The following MEIG1 variants were observed in gnomAD, a reference collection of about 807,000 sequenced individuals.
MEIG1 encodes the protein meiosis/spermiogenesis associated 1, also known as meiosis expressed gene 1 protein homolog.
In MEIG1, 12 loss-of-function variants were observed where a neutral mutation model predicts 11.3. That is an observed-to-expected ratio of 1.07 (90% CI 0.68 to 1.73). The LOEUF (loss-of-function observed/expected upper bound fraction) is 1.73, where lower values mean the gene tolerates loss of function less well. Ranked by LOEUF, MEIG1 falls within the 40% of genes most tolerant of loss-of-function variation. The pLI, the probability that MEIG1 is intolerant of heterozygous loss-of-function variation, is 0.00. For synonymous variants in MEIG1, 41 were observed against 33.2 expected, an observed-to-expected ratio of 1.24 and a Z score of -0.81; for missense variants, 119 against 104.9, an observed-to-expected ratio of 1.13 and a Z score of -0.59.
chr10:14,984,940 G>C (rs760632121), intron 1 of MEIG1, among the ~76,000 whole-genome samples: 3 of 151,976 alleles, frequency 2.0e-5, no homozygotes, highest in African/African-American at 4.8e-5. Context: ...GTCACAGGGC[G>C]TGTAGACCCT....
chr10:14,956,422 T>TA (rs35944502), upstream of MEIG1, among the ~76,000 whole-genome samples: 97,837 of 147,402 alleles, frequency 0.66, 32,286 homozygotes, highest in Non-Finnish European at 0.69. Flanking sequence ...CTACTAAAAA[T>TA]AAAAAAAAAA....
At chr10:14,964,035 T>A (rs1198223355) in intron 1 of MEIG1, among the ~76,000 whole-genome samples, 1 of 150,402 alleles carries the variant, frequency 6.6e-6, no homozygotes, top group Non-Finnish European at 1.5e-5. Context: ...GAAGTGGAGC[T>A]TGCAGTGAGC....
chr10:14,987,027 G>A, intron 2 of MEIG1: 1 of 620,096 alleles, frequency 1.6e-6, no homozygotes, highest in Non-Finnish European at 2.8e-6. Context: ...GAGGATTCAT[G>A]ATGACTGGGT....
At position 14,972,618 on chromosome 10, in the gene MEIG1, A is replaced by G; in HGVS notation, c.244A>G (p.Lys82Glu). The G allele has an allele frequency of 6.2e-7, 1 of 1,611,816 alleles. No individual in the cohort carries two copies. Among genetic ancestry groups the G allele is most frequent in the South Asian group, 1.1e-5 (1 of 90,372 alleles). The change falls in exon 3 of 3, where the codon AAA becomes GAA. Residue 82 changes from lysine (K) to glutamate (E), a missense_variant. By Grantham distance (56) the Lys-to-Glu change is moderately conservative. Transcript: ENST00000407572. ...GGAATGTGATGACAAAGAAGTCCAC[A>G]AAGTGAAAATTTATGCTTACTAGCC... ...QRECDDKEVH[K>E]VKIYAY
intron 2 of MEIG1, chr10:14,987,331 C>A: frequency 1.2e-6 from 1 of 806,640 alleles, no homozygotes; most frequent in Non-Finnish European, 2.2e-6. Flanking sequence ...TGACCAGATA[C>A]AAGGACAGGG....
At chr10:14,958,625 G>A (rs889788083), upstream of MEIG1, among the ~76,000 whole-genome samples, 2 of 152,192 alleles carry the variant, frequency 1.3e-5, no homozygotes, top group East Asian at 3.9e-4. Flanking sequence ...GGCCGGGCGC[G>A]GTGGCTCACG....
chr10:14,978,658 G>A (rs547390546), intron 1 of MEIG1, among the ~76,000 whole-genome samples: 6 of 151,900 alleles, frequency 3.9e-5, no homozygotes, highest in Admixed American at 2.6e-4. Flanking sequence ...TCTCCTAGAC[G>A]GATGTTACAC....
At chr10:14,976,283 AT>A (rs1843209323), downstream of MEIG1, among the ~76,000 whole-genome samples, 1 of 151,266 alleles carries the variant, frequency 6.6e-6, no homozygotes, top group South Asian at 2.1e-4. Flanking sequence ...CATAATATTA[AT>A]TACATATTAT....
chr10:14,980,612 G>A (rs1279905643), intron 1 of MEIG1, among the ~76,000 whole-genome samples: 1 of 152,118 alleles, frequency 6.6e-6, no homozygotes, highest in Non-Finnish European at 1.5e-5. Context: ...TTCTCTTGGC[G>A]CACCCGACTG....
chr10:14,980,753 A>G (rs12263662), intron 1 of MEIG1, among the ~76,000 whole-genome samples: 8,029 of 152,108 alleles, frequency 0.053, 696 homozygotes, highest in African/African-American at 0.18. Flanking sequence ...ACCTTTGGGG[A>G]AGACCGGTCC....
chr10:14,969,123 T>G (rs10906786), intron 2 of MEIG1, among the ~76,000 whole-genome samples: 3 of 151,958 alleles, frequency 2.0e-5, no homozygotes, highest in Non-Finnish European at 4.4e-5. Flanking sequence ...TGCCTTAAGA[T>G]TGGGATGCCC....
At chr10:14,965,103 A>T (rs1176203608) in intron 1 of MEIG1, among the ~76,000 whole-genome samples, 1 of 151,592 alleles carries the variant, frequency 6.6e-6, no homozygotes, top group African/African-American at 2.4e-5. Context: ...TATACCTTTA[A>T]TGTATTTCTT....
At chr10:14,960,390 G>C (rs908072767) in intron 1 of MEIG1, among the ~76,000 whole-genome samples, 6 of 152,142 alleles carry the variant, frequency 3.9e-5, no homozygotes, top group African/African-American at 1.4e-4. Context: ...TAGATTGTCA[G>C]GGAGTTGAGA....
chr10:14,967,503 TA>T (rs368507676), intron 2 of MEIG1, among the ~76,000 whole-genome samples: 100 of 52,608 alleles, frequency 1.9e-3, no homozygotes, highest in South Asian at 4.9e-3. Context: ...GCTACTAAGA[TA>T]TTTTTTTTTT....
At position 14,972,812 on chromosome 10, in the gene MEIG1, A is replaced by G; in HGVS notation, c.*171A>G. 1 of 582,494 alleles carries G rather than the reference A, an allele frequency of 1.7e-6. No individual in the cohort carries two copies. Among genetic ancestry groups the G allele is most frequent in the East Asian group, 3.3e-5 (1 of 30,594 alleles). The allele number at this position is 582,494 out of a possible 1,614,324, so 36.1% of individuals were successfully genotyped here. On this transcript the variant is annotated 3_prime_UTR_variant, in exon 3 of 3. Coordinates refer to ENST00000407572, the MANE Select transcript of MEIG1 (RefSeq NM_001080836.3). ...TCTGCTAATCACCTTGTCCTGTTCT[A>G]AGAACTGGCTGCAGATGCATTAAAG...
At chr10:14,960,965 G>A (rs1296726716) in intron 1 of MEIG1, among the ~76,000 whole-genome samples, 1 of 152,074 alleles carries the variant, frequency 6.6e-6, no homozygotes, top group Non-Finnish European at 1.5e-5. Flanking sequence ...GGAGGCGGAG[G>A]TTGTGGTGAG....
upstream of MEIG1, among the ~76,000 whole-genome samples, chr10:14,958,390 T>A (rs890029757): frequency 6.6e-6 from 1 of 152,250 alleles, no homozygotes; most frequent in Non-Finnish European, 1.5e-5. Context: ...ATTTGTGATA[T>A]GTCTTGTGTT....
upstream of MEIG1, among the ~76,000 whole-genome samples, chr10:14,959,093 T>C (rs1002638549): frequency 1.3e-5 from 2 of 152,188 alleles, no homozygotes; most frequent in Non-Finnish European, 2.9e-5. Flanking sequence ...AATGAATAGA[T>C]AGGAGATATC....
intron 1 of MEIG1, among the ~76,000 whole-genome samples, chr10:14,982,132 A>T (rs1589215643): frequency 6.6e-6 from 1 of 152,286 alleles, no homozygotes; most frequent in South Asian, 2.1e-4. Flanking sequence ...TATACATATG[A>T]TAGGCCTCAC....
Sources: allele counts gnomAD v4.1 joint callset (sites outside exome capture counted in the v4.1 genomes callset), GRCh38; gene constraint gnomAD v4.1.1; transcripts MANE v1.5; gene names NCBI Gene and HGNC (gene_info 2026-07-23, HGNC 2026-07-21).